Variants in SRFBP1 observed in about 807,000 individuals in gnomAD.
SRFBP1 encodes serum response factor-binding protein 1.
SRFBP1 carries 47 observed loss-of-function variants against 45.5 expected under a neutral mutation model. The ratio of observed to expected loss-of-function variants is 1.03; its 90% CI spans 0.82 to 1.32. The LOEUF (loss-of-function observed/expected upper bound fraction) is 1.32, where lower values mean the gene tolerates loss of function less well. Among genes scored for constraint, SRFBP1 ranks in the 40% most tolerant of loss-of-function variants. The probability of loss-of-function intolerance (pLI) is 0.00; values close to 1 mark genes in which losing one functional copy is unlikely to be tolerated. For synonymous variants in SRFBP1, 203 were observed against 166.3 expected (o/e 1.22, Z -1.70); for missense variants, 621 against 484.6 (o/e 1.28, Z -2.64).
At chr5:122,057,584 C>G (rs1754105293) in intron 2 of SRFBP1, among the ~76,000 whole-genome samples, 1 of 151,598 alleles carries the variant, frequency 6.6e-6, no homozygotes, top group South Asian at 2.1e-4. Flanking sequence ...TCCTCAGTCT[C>G]CCAAAGTGTT....
At chr5:122,068,718 C>T (rs1174857797) in intron 2 of SRFBP1, among the ~76,000 whole-genome samples, 3 of 151,970 alleles carry the variant, frequency 2.0e-5, no homozygotes, top group Non-Finnish European at 4.4e-5. Context: ...TGTAATAAGG[C>T]TACAGCAGTA....
At chr5:122,013,879 G>A (rs993895492) in intron 4 of SRFBP1, among the ~76,000 whole-genome samples, 9 of 152,138 alleles carry the variant, frequency 5.9e-5, no homozygotes, top group African/African-American at 1.4e-4. Flanking sequence ...CGTTACCAGA[G>A]GCTGGGGACA....
At chr5:121,975,294 A>G (rs1752279345) in intron 2 of SRFBP1, 21 bp from the exon 3 acceptor site, 1 of 1,611,944 alleles carries the variant, frequency 6.2e-7, no homozygotes. Context: ...CTGGCTACAT[A>G]TCGTAATGTA....
intron 4 of SRFBP1, among the ~76,000 whole-genome samples, chr5:122,001,546 C>CTTTTTTTTTTT (rs1166482651): frequency 9.5e-6 from 1 of 104,888 alleles, no homozygotes; most frequent in Non-Finnish European, 1.9e-5. Context: ...CCTTTGGTAT[C>CTTTTTTTTTTT]TTTTTTTTTT....
intron 2 of SRFBP1, among the ~76,000 whole-genome samples, chr5:122,061,180 A>G (rs1754163407): frequency 6.6e-6 from 1 of 150,396 alleles, no homozygotes; most frequent in Non-Finnish European, 1.5e-5. Flanking sequence ...CACTAAAGAC[A>G]TATATATGAA....
intron 2 of SRFBP1, among the ~76,000 whole-genome samples, chr5:122,033,713 A>C (rs1249248362): frequency 5.0e-5 from 7 of 139,412 alleles, no homozygotes; most frequent in East Asian, 2.2e-4. Flanking sequence ...CCTGCCTCAG[A>C]CTCCCAGAGC....
chr5:122,008,706 A>G lies in SRFBP1; in HGVS notation c.271-10554A>G, dbSNP rs1753027037. On this transcript the variant is annotated intron_variant, in intron 4 of 7. Coordinates refer to ENST00000339397, the MANE Select transcript of SRFBP1 (RefSeq NM_152546.3). ...GTCATTCAAATTGATGTTTCTGTGC[A>G]GGTATGAGCCCTAGAGAGTCCTGTT... is the stretch of plus-strand genomic sequence containing the variant. Among the ~76,000 whole-genome samples the G allele has an allele frequency of 2.0e-5, 3 of 152,058 alleles. No individual in the cohort carries two copies. The South Asian group carries it at 6.2e-4, about 31-fold the overall frequency.
At chr5:122,059,394 C>A (rs534822458) in intron 2 of SRFBP1, among the ~76,000 whole-genome samples, 1 of 152,128 alleles carries the variant, frequency 6.6e-6, no homozygotes, top group East Asian at 1.9e-4. Flanking sequence ...TGACCTCATC[C>A]CCTTACATCT....
intron 2 of SRFBP1, among the ~76,000 whole-genome samples, chr5:122,044,927 T>C (rs1303168137): frequency 6.6e-6 from 1 of 152,180 alleles, no homozygotes; most frequent in East Asian, 1.9e-4. Context: ...TCATGAAACC[T>C]TTGCCAAGTC....
intron 2 of SRFBP1, among the ~76,000 whole-genome samples, chr5:122,046,573 G>T (rs925594630): frequency 1.3e-5 from 2 of 152,150 alleles, no homozygotes; most frequent in African/African-American, 4.8e-5. Flanking sequence ...GTAATGGGAT[G>T]GCTGGGTCAA....
rs533539709 is a variant in SRFBP1, at chr5:122,033,914, C to T, written n.311+11507C>T. ...TCTCGGCTCACTGCAGCCTCTGCCT[C>T]CTGGGTTCCAGCAGTTCTCCTGCCT... is the stretch of plus-strand genomic sequence containing the variant. On this transcript the variant is annotated intron_variant and non_coding_transcript_variant, in intron 2 of 2. Transcript: ENST00000504881. 2.4e-3 allele frequency among the ~76,000 whole-genome samples: 362 copies of T among 148,862 alleles called. 2 individuals are homozygous for T. Among genetic ancestry groups the T allele is most frequent in the African/African-American group, 8.3e-3 (333 of 40,076 alleles).
chr5:122,008,136 A>G (rs1249418101), intron 4 of SRFBP1, among the ~76,000 whole-genome samples: 1 of 151,644 alleles, frequency 6.6e-6, no homozygotes, highest in African/African-American at 2.4e-5. Flanking sequence ...TGCTGAGACC[A>G]CAAGTGCTGA....
chr5:122,045,605 C>G (rs1392969786), intron 2 of SRFBP1, among the ~76,000 whole-genome samples: 2 of 152,002 alleles, frequency 1.3e-5, no homozygotes, highest in African/African-American at 4.8e-5. Context: ...GTATTTTATT[C>G]TTTTTGTGGT....
chr5:121,974,162 G>T, intron 1 of SRFBP1, 34 bp from the exon 2 acceptor site: 1 of 1,436,362 alleles, frequency 7.0e-7, no homozygotes, highest in Non-Finnish European at 9.8e-7. Flanking sequence ...TGAAGTAAGT[G>T]CCTTTCTTCT....
intron 4 of SRFBP1, among the ~76,000 whole-genome samples, chr5:122,007,968 C>T (rs543090593): frequency 6.3e-4 from 96 of 151,740 alleles, no homozygotes; most frequent in Non-Finnish European, 1.2e-3. Context: ...AGAACCACTT[C>T]GGTACTGGGG....
chr5:121,975,521 T>G, intron 3 of SRFBP1, 134 bp downstream of exon 3: 1 of 942,600 alleles, frequency 1.1e-6, no homozygotes, highest in Non-Finnish European at 1.6e-6. Context: ...GTCTGTTTGG[T>G]GAAGAATGTA....
chr5:122,032,394 C>G (rs894847672), downstream of SRFBP1, among the ~76,000 whole-genome samples: 3 of 151,818 alleles, frequency 2.0e-5, no homozygotes, highest in African/African-American at 4.8e-5. Context: ...ACCCCATTCC[C>G]GCCCGCCCCC....
At chr5:122,063,388 A>G (rs768096096) in intron 2 of SRFBP1, 8 of 151,946 alleles carry the variant, frequency 5.3e-5, no homozygotes, top group Non-Finnish European at 8.8e-5. Context: ...CTAAAACTTC[A>G]CTAAAAACCT....
At chr5:122,016,900 C>T (rs898569780) in intron 4 of SRFBP1, among the ~76,000 whole-genome samples, 2 of 152,080 alleles carry the variant, frequency 1.3e-5, no homozygotes, top group African/African-American at 4.8e-5. Flanking sequence ...TTTCCTAAGG[C>T]TGCCATAACA....
Sources: gnomAD v4.1 joint callset for allele counts (sites outside exome capture counted in the v4.1 genomes callset) on GRCh38, gnomAD v4.1.1 for gene constraint, MANE v1.5 for transcripts, NCBI Gene and HGNC (gene_info 2026-07-23, HGNC 2026-07-21) for gene names.